The following DCC variants were observed in gnomAD, a reference collection of about 807,000 sequenced individuals.
DCC encodes netrin receptor DCC.
A neutral mutation model predicts 172.5 loss-of-function variants in DCC; 58 were observed. That is an observed-to-expected ratio of 0.34 (90% CI 0.27 to 0.42). DCC has a LOEUF of 0.42. DCC is among the 10% of genes least tolerant of loss of function. The pLI, the probability that DCC is intolerant of heterozygous loss-of-function variation, is 1.00. For synonymous variants in DCC, 709 were observed against 644.5 expected, an observed-to-expected ratio of 1.10 and a Z score of -1.52; for missense variants, 1,740 against 1,791.0, an observed-to-expected ratio of 0.97 and a Z score of 0.51.
Position 52,438,192 on chromosome 18 carries a change from C to G in DCC, c.91+97314C>G, listed in dbSNP as rs146806691. 8.0e-3 allele frequency among the ~76,000 whole-genome samples: 1,221 copies of G among 152,270 alleles called. 57 individuals are homozygous for G. Among genetic ancestry groups the G allele is most frequent in the Admixed American group, 0.069 (1,056 of 15,286 alleles). On this transcript the variant is annotated intron_variant, in intron 1 of 28. Coordinates refer to ENST00000442544, the MANE Select transcript of DCC (RefSeq NM_005215.4). ...ATTCAATATACACACACAATTTTCA[C>G]CACTCCACTGGGTTCTCAACTGGGT... is the stretch of plus-strand genomic sequence containing the variant.
At chr18:52,947,235 C>G (rs2040562337) in intron 5 of DCC, among the ~76,000 whole-genome samples, 1 of 152,160 alleles carries the variant, frequency 6.6e-6, no homozygotes, top group African/African-American at 2.4e-5. Context: ...CACAAAACAT[C>G]TTTAATTTGT....
intron 3 of DCC, among the ~76,000 whole-genome samples, chr18:52,914,724 G>T (rs773911282): frequency 1.3e-5 from 2 of 152,104 alleles, no homozygotes; most frequent in South Asian, 2.1e-4. Flanking sequence ...GTGTTTGAAG[G>T]CTCACGGTAC....
intron 9 of DCC, among the ~76,000 whole-genome samples, chr18:53,187,369 G>C (rs2055298730): frequency 2.6e-5 from 4 of 151,928 alleles, no homozygotes; most frequent in African/African-American, 9.7e-5. Flanking sequence ...TTATCTGTCT[G>C]CCTCGGCCCC....
At chr18:53,367,929 G>A (rs2058023501) in intron 15 of DCC, among the ~76,000 whole-genome samples, 1 of 152,044 alleles carries the variant, frequency 6.6e-6, no homozygotes, top group Non-Finnish European at 1.5e-5. Flanking sequence ...TTTAAGGTTT[G>A]AGAGTGTAAT....
intron 14 of DCC, among the ~76,000 whole-genome samples, chr18:53,330,397 C>A (rs1182952762): frequency 6.6e-6 from 1 of 152,130 alleles, no homozygotes; most frequent in East Asian, 1.9e-4. Flanking sequence ...TAATTTCTAC[C>A]TTCAGAATGG....
chr18:52,908,593 T>G (rs535413861), intron 3 of DCC, among the ~76,000 whole-genome samples: 5 of 138,868 alleles, frequency 3.6e-5, no homozygotes, highest in Middle Eastern at 3.9e-3. Context: ...TAATGAAATA[T>G]TAAATTTGAA....
intron 2 of DCC, among the ~76,000 whole-genome samples, chr18:52,783,638 C>T (rs574119277): frequency 6.6e-6 from 1 of 151,722 alleles, no homozygotes; most frequent in Admixed American, 6.6e-5. Flanking sequence ...CATGTCTAAT[C>T]CCTCTAAATA....
intron 7 of DCC, among the ~76,000 whole-genome samples, chr18:53,103,963 G>T (rs374607425): frequency 2.0e-5 from 3 of 151,818 alleles, no homozygotes; most frequent in East Asian, 1.9e-4. Context: ...ACAATTTAAG[G>T]GGATTCCAAA....
chr18:52,918,344 T>C (rs926938286), intron 3 of DCC, among the ~76,000 whole-genome samples: 11 of 152,144 alleles, frequency 7.2e-5, no homozygotes, highest in African/African-American at 2.7e-4. Flanking sequence ...TTCATCATGG[T>C]TCCATTAAAA....
intron 1 of DCC, among the ~76,000 whole-genome samples, chr18:52,665,952 T>C (rs189455703): frequency 6.6e-6 from 1 of 152,330 alleles, no homozygotes; most frequent in African/African-American, 2.4e-5. Context: ...ACTTCACTTA[T>C]ATCAAATTCT....
intron 2 of DCC, among the ~76,000 whole-genome samples, chr18:52,753,397 T>G (rs185604478): frequency 6.2e-4 from 95 of 152,330 alleles, no homozygotes; most frequent in Non-Finnish European, 9.4e-4. Context: ...TAAACAAAAC[T>G]GTTTCAAGTT....
At chr18:52,458,916 A>C (rs1988542744) in intron 1 of DCC, among the ~76,000 whole-genome samples, 1 of 152,218 alleles carries the variant, frequency 6.6e-6, no homozygotes, top group African/African-American at 2.4e-5. Flanking sequence ...TTTTGACTAG[A>C]ATAATTATGT....
chr18:52,770,415 T>C (rs1252093555), intron 2 of DCC, among the ~76,000 whole-genome samples: 1 of 152,238 alleles, frequency 6.6e-6, no homozygotes, highest in African/African-American at 2.4e-5. Flanking sequence ...TGCTAACTAC[T>C]ATCGCATACC....
intron 13 of DCC, among the ~76,000 whole-genome samples, chr18:53,317,449 GT>G (rs1307594569): frequency 3.3e-5 from 5 of 152,056 alleles, no homozygotes; most frequent in Admixed American, 3.3e-4. Flanking sequence ...TACTTTTTTT[GT>G]TGTGTCTCTG....
At chr18:52,952,447 T>A (rs1218020186) in intron 5 of DCC, among the ~76,000 whole-genome samples, 1 of 152,184 alleles carries the variant, frequency 6.6e-6, no homozygotes, top group Admixed American at 6.5e-5. Context: ...AGACCCCAAC[T>A]ATTTTCTTAT....
At chr18:52,971,917 C>T (rs757806127) in intron 5 of DCC, among the ~76,000 whole-genome samples, 1 of 152,144 alleles carries the variant, frequency 6.6e-6, no homozygotes, top group Non-Finnish European at 1.5e-5. Flanking sequence ...CACATTGAGG[C>T]ATGAATTCAT....
In DCC at chr18:52,936,519, G is replaced by C. The variant is rs551809339; in HGVS notation, c.985+11149G>C. On this transcript the variant is annotated intron_variant, in intron 5 of 28. Transcript: ENST00000442544. ...GCTTTGCATATATTATTGAGATGAT[G>C]ATGAGTCTAATTTTTTCTTTCTTGG... Among the ~76,000 whole-genome samples, 44 of 121,696 alleles carry C rather than the reference G, an allele frequency of 3.6e-4. 6 individuals carry two copies. In the South Asian group the frequency reaches 8.8e-3, roughly 24 times the overall value. 79.8% of individuals were successfully genotyped at this position (121,696 alleles called of 152,430 possible). A position where few individuals can be genotyped will look rare whatever the true frequency, so the allele number is the denominator to read the frequency against.
chr18:52,805,433 T>C (rs74412371), intron 2 of DCC, among the ~76,000 whole-genome samples: 13,714 of 152,168 alleles, frequency 0.09, 676 homozygotes, highest in South Asian at 0.18. Context: ...AAAAATTATA[T>C]GAATTTTTGT....
chr18:53,214,005 TAC>T (rs2055804279), intron 11 of DCC, among the ~76,000 whole-genome samples: 1 of 152,022 alleles, frequency 6.6e-6, no homozygotes, highest in Admixed American at 6.6e-5. Context: ...TTACTGAGTG[TAC>T]ACCATGTGCC....
Sources: gnomAD v4.1 joint callset for allele counts (sites outside exome capture counted in the v4.1 genomes callset) on GRCh38, gnomAD v4.1.1 for gene constraint, MANE v1.5 for transcripts, NCBI Gene and HGNC (gene_info 2026-07-23, HGNC 2026-07-21) for gene names.